OPTN: variants seen among roughly 807,000 people sequenced by gnomAD.
The protein encoded by OPTN is E3-14.7K-interacting protein.
OPTN carries 54 observed loss-of-function variants against 70.4 expected under a neutral mutation model. That is an observed-to-expected ratio of 0.77 (90% CI 0.62 to 0.96). The LOEUF (loss-of-function observed/expected upper bound fraction) is 0.96, where lower values mean the gene tolerates loss of function less well. Ranked by LOEUF, OPTN falls within the 40% of genes least tolerant of loss-of-function variation. The pLI, the probability that OPTN is intolerant of heterozygous loss-of-function variation, is 0.00. For missense variants in OPTN, 624 were observed against 673.2 expected (o/e 0.93, Z 0.81); for synonymous variants, 256 against 248.5 (o/e 1.03, Z -0.28).
rs552675093 is a variant in OPTN, at chr10:13,124,173, A to G, written c.998+63A>G. ...ATACATTTTTACAAAGTATACTACT[A>G]TATAAAAACATAGTTTTTTAACTAT... On this transcript the variant is annotated intron_variant, in intron 9 of 14. Coordinates refer to ENST00000378747, the MANE Select transcript of OPTN (RefSeq NM_001008212.2). 35 of 895,560 alleles carry G rather than the reference A, an allele frequency of 3.9e-5. No individual in the cohort carries two copies. In the African/African-American group the frequency reaches 5.5e-4, roughly 14 times the overall value. 55.5% of individuals were successfully genotyped at this position (895,560 alleles called of 1,614,324 possible).
chr10:13,100,830 GC>G (rs912480493), intron 1 of OPTN, among the ~76,000 whole-genome samples: 1 of 152,164 alleles, frequency 6.6e-6, no homozygotes, highest in Non-Finnish European at 1.5e-5. Flanking sequence ...AATTGTTTTT[GC>G]CATCGAAATG....
chr10:13,135,161 C>T (rs1833672677), intron 14 of OPTN, among the ~76,000 whole-genome samples: 1 of 152,076 alleles, frequency 6.6e-6, no homozygotes, highest in South Asian at 2.1e-4. Flanking sequence ...AGAGCCAAAC[C>T]AAAGTCTAGG....
Position 13,112,577 on chromosome 10 carries a change from A to C in OPTN, c.494A>C (p.Gln165Pro). Reference protein sequence around the residue: ...ADLLGIVSELQLKLNSSGSSE... With the variant: ...ADLLGIVSELPLKLNSSGSSE... The stretch of plus-strand genomic sequence containing the variant: ...CTGTTGGGCATCGTGTCTGAACTGC[A>C]GCTCAAGCTGAACTCCAGCGGCTCC... Residue 165 changes from glutamine to proline, a missense_variant, in exon 5 of 15, where the codon CAG becomes CCG. By Grantham distance (76) the Gln-to-Pro change is moderately conservative. Coordinates refer to ENST00000378747, the MANE Select transcript of OPTN (RefSeq NM_001008212.2). 6.2e-7 allele frequency: 1 copy of C among 1,614,180 alleles called. No homozygotes were observed. The highest frequency in any genetic ancestry group is 1.1e-5 in the South Asian group (1 of 91,076).
chr10:13,116,237 G>A lies in OPTN; in HGVS notation c.553-30G>A, dbSNP rs1401824386. The A allele has an allele frequency of 2.9e-6, 4 of 1,397,112 alleles. No individual in the cohort carries two copies. In the African/African-American group the frequency reaches 4.2e-5, roughly 15 times the overall value. 86.5% of individuals were successfully genotyped at this position (1,397,112 alleles called of 1,614,324 possible). ...AGAATTTGTCTTGTAGACATATTGT[G>A]TTAAATCCCTTGCATTTCTGTTTTC... is the stretch of plus-strand genomic sequence containing the variant. On this transcript the variant is annotated intron_variant, in intron 5 of 14. Coordinates refer to ENST00000378747, the MANE Select transcript of OPTN (RefSeq NM_001008212.2).
rs1428957622 is a variant in OPTN at position 13,104,741 on chromosome 10, T to G, written c.-163-3397T>G. On this transcript the variant is annotated intron_variant, in intron 1 of 14. Transcript: ENST00000378747. The stretch of plus-strand genomic sequence containing the variant: ...TTGGACGTGTCTGCCACCATTTAAT[T>G]TCAATGATAACTTCTTGTCCATAAA... The G allele has an allele frequency of 9.0e-5, 61 of 674,244 alleles. 1 individual carries two copies. The highest frequency in any genetic ancestry group is 8.4e-4 in the South Asian group (61 of 72,992). The allele number at this position is 674,244 out of a possible 1,614,324, so 41.8% of individuals were successfully genotyped here. A position where few individuals can be genotyped will look rare whatever the true frequency, so the allele number is the denominator to read the frequency against.
At chr10:13,101,108 C>T (rs1301622369) in intron 1 of OPTN, among the ~76,000 whole-genome samples, 1 of 152,186 alleles carries the variant, frequency 6.6e-6, no homozygotes, top group Non-Finnish European at 1.5e-5. Context: ...TGCCAGGCTG[C>T]CTCCCAGGAC....
At chr10:13,107,749 CTT>C (rs969421685) in intron 1 of OPTN, among the ~76,000 whole-genome samples, 2 of 152,138 alleles carry the variant, frequency 1.3e-5, no homozygotes, top group African/African-American at 4.8e-5. Flanking sequence ...TGTCTCTGGA[CTT>C]TGGCCATTCT....
At chr10:13,110,532 G>A in intron 4 of OPTN, 56 bp downstream of exon 4, 1 of 1,538,956 alleles carries the variant, frequency 6.5e-7, no homozygotes, top group Non-Finnish European at 8.9e-7. Flanking sequence ...GACATTTGCA[G>A]TGGAATCTTA....
At position 13,118,979 on chromosome 10, in the gene OPTN, C is replaced by G; in HGVS notation, c.718C>G (p.Leu240Val). The G allele has an allele frequency of 6.2e-7, 1 of 1,614,052 alleles. No homozygotes were observed. Among genetic ancestry groups the G allele is most frequent in the Non-Finnish European group, 8.5e-7 (1 of 1,179,988 alleles). ...ELTVSQLLLC[L>V]REGNQKVERL... is the part of the protein sequence containing the mutation. ...AACTGTGAGCCAGCTCCTGCTGTGC[C>G]TAAGGGAAGGGAATCAGAAGGTGGA... Residue 240 changes from leucine (L) to valine (V), a missense_variant, in exon 7 of 15, where the codon CTA (leucine) becomes GTA (valine). By Grantham distance (32) the Leu-to-Val change is conservative. Transcript: ENST00000378747.
chr10:13,114,104 C>T, intron 5 of OPTN, among the ~76,000 whole-genome samples: 1 of 151,654 alleles, frequency 6.6e-6, no homozygotes, highest in East Asian at 1.9e-4. Flanking sequence ...AAAATTGTGT[C>T]CTTGGAAGAG....
intron 1 of OPTN, chr10:13,104,507 C>A: frequency 6.3e-6 from 2 of 315,388 alleles, no homozygotes; most frequent in Admixed American, 3.6e-5. Flanking sequence ...CTAACTTTTA[C>A]ATCATAGTAA....
intron 14 of OPTN, 93 bp downstream of exon 14, chr10:13,133,674 T>TCCA (rs1238826953): frequency 1.7e-6 from 2 of 1,180,090 alleles, no homozygotes; most frequent in East Asian, 4.9e-5. Context: ...TACAATGGAT[T>TCCA]CCAAATCAAG....
chr10:13,102,281 G>T (rs478911), intron 1 of OPTN, among the ~76,000 whole-genome samples: 46,577 of 152,048 alleles, frequency 0.31, 8,008 homozygotes, highest in Non-Finnish European at 0.38. Flanking sequence ...GGTGACTCTG[G>T]TGGGTCAGTT....
At chr10:13,132,013 A>C (rs1335785179) in intron 12 of OPTN, 54 bp from the exon 13 acceptor site, 7 of 1,579,312 alleles carry the variant, frequency 4.4e-6, no homozygotes, top group Non-Finnish European at 6.1e-6. Flanking sequence ...TAAACACTGT[A>C]AGAATCTGCA....
intron 2 of OPTN, chr10:13,108,910 G>GCACACACACA (rs71386156): frequency 6.8e-5 from 40 of 589,760 alleles, no homozygotes; most frequent in Middle Eastern, 4.6e-4. Context: ...ACATGCGCGT[G>GCACACACACA]CACACACACA....
intron 3 of OPTN, 24 bp from the exon 4 acceptor site, chr10:13,110,250 T>A (rs1277898812): frequency 6.2e-7 from 1 of 1,612,326 alleles, no homozygotes; most frequent in Non-Finnish European, 8.5e-7. Context: ...GGTGTGTGAC[T>A]CCATCACTCT....
chr10:13,114,367 C>T (rs1266127153), intron 5 of OPTN, among the ~76,000 whole-genome samples: 2 of 151,906 alleles, frequency 1.3e-5, no homozygotes, highest in Non-Finnish European at 2.9e-5. Flanking sequence ...TGCAAGTGAT[C>T]GAAGATTACT....
Position 13,136,925 on chromosome 10 carries a change from G to C in OPTN, c.*59G>C. The C allele has an allele frequency of 8.7e-6, 14 of 1,607,980 alleles. No individual in the cohort carries two copies. Among genetic ancestry groups the C allele is most frequent in the Non-Finnish European group, 1.2e-5 (14 of 1,175,444 alleles). ...AAATGTCAGATTTTTTCCTCCAAGA[G>C]TTGTGCTTTTGTGTTATTTGTTTTC... On this transcript the variant is annotated 3_prime_UTR_variant, in exon 15 of 15. Transcript: ENST00000378747.
At chr10:13,128,502 CTTTTTTTTTTTTTTTTTT>C (rs56147136) in intron 12 of OPTN, among the ~76,000 whole-genome samples, 12 of 33,452 alleles carry the variant, frequency 3.6e-4, no homozygotes, top group East Asian at 1.3e-3. Context: ...TCAAGCCTGC[CTTTTTTTTTTTTTTTTTT>C]TTTTTTTTTT....
Sources: allele counts gnomAD v4.1 joint callset (sites outside exome capture counted in the v4.1 genomes callset), GRCh38; gene constraint gnomAD v4.1.1; transcripts MANE v1.5; gene names NCBI Gene and HGNC (gene_info 2026-07-23, HGNC 2026-07-21).